The following ASIC2 variants were observed in gnomAD, a reference collection of about 807,000 sequenced individuals.
ASIC2 encodes the protein acid-sensing ion channel 2.
A neutral mutation model predicts 57.3 loss-of-function variants in ASIC2; 25 were observed. That is an observed-to-expected ratio of 0.44 (90% CI 0.32 to 0.61). The LOEUF is 0.61. Ranked by LOEUF, ASIC2 falls within the 20% of genes least tolerant of loss-of-function variation. ASIC2 has a pLI of 0.06. For missense variants in ASIC2, 641 were observed against 738.1 expected, an observed-to-expected ratio of 0.87 and a Z score of 1.52; for synonymous variants, 319 against 307.5, an observed-to-expected ratio of 1.04 and a Z score of -0.39.
chr17:33,048,688 C>T lies in ASIC2; in HGVS notation c.988-20296G>A, dbSNP rs564886919. Among the ~76,000 whole-genome samples the T allele has an allele frequency of 2.0e-4, 30 of 152,278 alleles. No homozygotes were observed. The South Asian group carries it at 6.2e-3, about 32-fold the overall frequency. On this transcript the variant is annotated intron_variant, in intron 3 of 9. Transcript: ENST00000225823. ...GTCTGGAGCCCTGGGCCTTAAAAACCTGACTAGTTTCCCTAGCACTCCCTG... is the reference window on the plus strand; with the variant it reads ...GTCTGGAGCCCTGGGCCTTAAAAACTTGACTAGTTTCCCTAGCACTCCCTG...
chr17:34,077,431 G>A (rs963514728), intron 1 of ASIC2, among the ~76,000 whole-genome samples: 2 of 152,114 alleles, frequency 1.3e-5, no homozygotes, highest in Non-Finnish European at 2.9e-5. Context: ...TGGTGTCCGC[G>A]GAGGCTGTGA....
chr17:34,029,375 CAAAAAAA>C (rs60189628), intron 1 of ASIC2, among the ~76,000 whole-genome samples: 2 of 110,464 alleles, frequency 1.8e-5, no homozygotes, highest in African/African-American at 5.7e-5. Flanking sequence ...GTGCTAAAAC[CAAAAAAA>C]AAAAAAAAAA....
chr17:33,434,717 T>C (rs1313782286), intron 1 of ASIC2, among the ~76,000 whole-genome samples: 1 of 152,128 alleles, frequency 6.6e-6, no homozygotes, highest in Non-Finnish European at 1.5e-5. Flanking sequence ...ATAAGCAAAA[T>C]AACCAAAGAG....
intron 1 of ASIC2, among the ~76,000 whole-genome samples, chr17:33,893,509 C>A (rs1915015604): frequency 6.6e-6 from 1 of 152,134 alleles, no homozygotes; most frequent in African/African-American, 2.4e-5. Context: ...GAGGTAGTCA[C>A]CTACAAGGCT....
chr17:33,046,298 T>C (rs1306673733), intron 3 of ASIC2, among the ~76,000 whole-genome samples: 1 of 152,218 alleles, frequency 6.6e-6, no homozygotes, highest in African/African-American at 2.4e-5. Flanking sequence ...TTTTATTTCC[T>C]TGCTTTTTTC....
At chr17:33,268,842 T>C (rs1045907041) in intron 1 of ASIC2, among the ~76,000 whole-genome samples, 1 of 152,192 alleles carries the variant, frequency 6.6e-6, no homozygotes, top group African/African-American at 2.4e-5. Flanking sequence ...ATCTACTAAA[T>C]GACAGGACAG....
chr17:33,884,075 T>G (rs1473823529), intron 1 of ASIC2, among the ~76,000 whole-genome samples: 1 of 152,210 alleles, frequency 6.6e-6, no homozygotes, highest in Non-Finnish European at 1.5e-5. Context: ...ACCGCACACC[T>G]ATGGTCATGG....
chr17:33,931,984 G>C (rs35679632), intron 1 of ASIC2, among the ~76,000 whole-genome samples: 2 of 152,124 alleles, frequency 1.3e-5, no homozygotes, highest in Non-Finnish European at 2.9e-5. Context: ...TGGGTCTGTC[G>C]GGCTCAATTT....
chr17:33,484,596 C>A (rs986631670), intron 1 of ASIC2, among the ~76,000 whole-genome samples: 7 of 152,160 alleles, frequency 4.6e-5, no homozygotes, highest in African/African-American at 1.7e-4. Flanking sequence ...TTTTTCTGGA[C>A]CAAGTATTTG....
chr17:33,934,763 C>G (rs983849967), intron 1 of ASIC2, among the ~76,000 whole-genome samples: 1 of 152,264 alleles, frequency 6.6e-6, no homozygotes, highest in Non-Finnish European at 1.5e-5. Flanking sequence ...CTCCAACACA[C>G]TTGCATACAC....
chr17:33,288,608 G>T (rs1277124516), intron 1 of ASIC2, among the ~76,000 whole-genome samples: 6 of 152,058 alleles, frequency 3.9e-5, no homozygotes, highest in Non-Finnish European at 7.4e-5. Context: ...TGGGATGCAG[G>T]GTGTTGGCTG....
chr17:34,080,460 G>A (rs1294048566), intron 1 of ASIC2, among the ~76,000 whole-genome samples: 1 of 152,230 alleles, frequency 6.6e-6, no homozygotes, highest in African/African-American at 2.4e-5. Flanking sequence ...GCTGGATCCA[G>A]ACTCCACAAA....
intron 1 of ASIC2, among the ~76,000 whole-genome samples, chr17:34,043,696 G>A (rs1908223723): frequency 6.6e-6 from 1 of 152,182 alleles, no homozygotes; most frequent in African/African-American, 2.4e-5. Flanking sequence ...TTTCTCACAA[G>A]TGTTCTGTAG....
intron 3 of ASIC2, among the ~76,000 whole-genome samples, chr17:33,086,613 C>A (rs1262592735): frequency 6.6e-6 from 1 of 152,170 alleles, no homozygotes. Context: ...AAGCCTCACC[C>A]TTAGTTGGCC....
chr17:33,993,179 C>G (rs943323620), intron 1 of ASIC2, among the ~76,000 whole-genome samples: 2 of 152,122 alleles, frequency 1.3e-5, no homozygotes, highest in Admixed American at 6.5e-5. Flanking sequence ...ATTCAGGGAG[C>G]CTGAAAGTCA....
At chr17:33,624,955 G>GA (rs1905925579) in intron 1 of ASIC2, among the ~76,000 whole-genome samples, 1 of 152,202 alleles carries the variant, frequency 6.6e-6, no homozygotes, top group African/African-American at 2.4e-5. Flanking sequence ...AATACATTGT[G>GA]AAAAGGCACG....
At position 33,303,582 on chromosome 17, in the gene ASIC2, G is replaced by A. The variant is rs913806253; in HGVS notation, c.556-191515C>T. 5.3e-5 allele frequency among the ~76,000 whole-genome samples: 8 copies of A among 152,168 alleles called. No homozygotes were observed. The East Asian group carries it at 1.5e-3, about 29-fold the overall frequency. Reference sequence around the variant, plus strand: ...TTACAAACCACAGGGTTTCAACCTAGCCCCCTTTGTCTCCCTTCCTCCATT... The same window carrying A: ...TTACAAACCACAGGGTTTCAACCTAACCCCCTTTGTCTCCCTTCCTCCATT... On this transcript the variant is annotated intron_variant, in intron 1 of 9. Transcript: ENST00000359872.
rs369855056 is a variant in ASIC2, at chr17:33,528,066, A to C, written c.556-415999T>G. On this transcript the variant is annotated intron_variant, in intron 1 of 9. Coordinates refer to the ASIC2 transcript ENST00000359872. ...CTCAAACAATTAAGCAATGCATCCA[A>C]GGTGAGAAGGTGTCAGGGCCAGTAA... Among the ~76,000 whole-genome samples, 16 of 152,162 alleles carry C rather than the reference A, an allele frequency of 1.1e-4. No individual in the cohort carries two copies. In the East Asian group the frequency reaches 3.1e-3, roughly 29 times the overall value.
intron 1 of ASIC2, among the ~76,000 whole-genome samples, chr17:33,404,045 T>G (rs1910378497): frequency 6.6e-6 from 1 of 152,234 alleles, no homozygotes; most frequent in African/African-American, 2.4e-5. Context: ...TCTTTTGCAC[T>G]GACTTCCATA....
Sources: gnomAD v4.1 joint callset for allele counts (sites outside exome capture counted in the v4.1 genomes callset) on GRCh38, gnomAD v4.1.1 for gene constraint, MANE v1.5 for transcripts, NCBI Gene and HGNC (gene_info 2026-07-23, HGNC 2026-07-21) for gene names.